DMD: variants seen among roughly 807,000 people sequenced by gnomAD.
DMD encodes the protein mutant dystrophin.
A neutral mutation model predicts 330.1 loss-of-function variants in DMD; 63 were observed. That is an observed-to-expected ratio of 0.19 (90% CI 0.16 to 0.24). The LOEUF (loss-of-function observed/expected upper bound fraction) is 0.24, where lower values mean the gene tolerates loss of function less well. Ranked by LOEUF, DMD falls within the 10% of genes least tolerant of loss-of-function variation. The probability of loss-of-function intolerance (pLI) is 1.00; values close to 1 mark genes in which losing one functional copy is unlikely to be tolerated. For missense variants in DMD, 3,344 were observed against 2,684.1 expected, an observed-to-expected ratio of 1.25 and a Z score of -5.43; for synonymous variants, 1,223 against 959.8, an observed-to-expected ratio of 1.27 and a Z score of -5.07.
At chrX:32,258,458 A>G (rs2097308304) in intron 43 of DMD, among the ~76,000 whole-genome samples, 1 of 111,650 alleles carries the variant, frequency 9.0e-6, no homozygotes, top group Non-Finnish European at 1.9e-5. Flanking sequence ...ATTGGCACAT[A>G]TACACCATGG....
At chrX:32,187,529 G>A (rs978805425) in intron 44 of DMD, among the ~76,000 whole-genome samples, 14 of 111,591 alleles carry the variant, frequency 1.3e-4, no homozygotes, top group Non-Finnish European at 2.3e-4. Flanking sequence ...ACATATGTAT[G>A]TCAAAATTAT....
At chrX:31,246,267 G>A (rs911638435) in intron 63 of DMD, among the ~76,000 whole-genome samples, 1 of 111,971 alleles carries the variant, frequency 8.9e-6, no homozygotes, top group African/African-American at 3.2e-5. Flanking sequence ...GGAAGCTGCA[G>A]AAGAAAAGTT....
intron 30 of DMD, among the ~76,000 whole-genome samples, chrX:32,394,082 T>A (rs2098023066): frequency 9.1e-6 from 1 of 109,298 alleles, no homozygotes; most frequent in Non-Finnish European, 1.9e-5. Context: ...GAACATACTT[T>A]AAGGCTACAT....
At chrX:31,388,826 C>G (rs1319540432) in intron 60 of DMD, among the ~76,000 whole-genome samples, 1 of 111,803 alleles carries the variant, frequency 8.9e-6, no homozygotes, top group Non-Finnish European at 1.9e-5. Flanking sequence ...TGCTTGAACC[C>G]GTGAGGTGGA....
intron 44 of DMD, among the ~76,000 whole-genome samples, chrX:31,976,317 A>G (rs2095435645): frequency 9.0e-6 from 1 of 111,128 alleles, no homozygotes; most frequent in African/African-American, 3.3e-5. Context: ...AAATATTAGG[A>G]CTGAAAATAT....
At chrX:32,021,594 T>C (rs1192904507) in intron 44 of DMD, among the ~76,000 whole-genome samples, 1 of 112,226 alleles carries the variant, frequency 8.9e-6, no homozygotes, top group Admixed American at 9.4e-5. Context: ...CCTGTGGCTA[T>C]TGAACAATTC....
chrX:31,868,556 G>A (rs761309232), intron 48 of DMD, among the ~76,000 whole-genome samples: 44 of 111,858 alleles, frequency 3.9e-4, no homozygotes, highest in Non-Finnish European at 7.2e-4. Context: ...TAAGTGCATA[G>A]AGTCAGATGT....
chrX:31,944,663 CTT>C (rs1176678451), intron 45 of DMD, among the ~76,000 whole-genome samples: 2 of 81,528 alleles, frequency 2.5e-5, no homozygotes, highest in Non-Finnish European at 4.7e-5. Context: ...TTTTGTTCTG[CTT>C]TTTTTTTTTT....
intron 63 of DMD, among the ~76,000 whole-genome samples, chrX:31,252,761 C>T (rs2049512561): frequency 8.9e-6 from 1 of 112,239 alleles, no homozygotes; most frequent in Admixed American, 9.4e-5. Context: ...CGCCTGTAAT[C>T]TCAGCACTCT....
intron 1 of DMD, among the ~76,000 whole-genome samples, chrX:33,304,075 T>C (rs1353173485): frequency 1.8e-5 from 2 of 111,112 alleles, no homozygotes; most frequent in Non-Finnish European, 3.8e-5. Flanking sequence ...ATTTAATATA[T>C]GATGTAAAAT....
intron 2 of DMD, among the ~76,000 whole-genome samples, chrX:32,925,150 T>TTG (rs2088862055): frequency 1.2e-5 from 1 of 85,166 alleles, no homozygotes; most frequent in African/African-American, 5.4e-5. Flanking sequence ...TCTGGGTTTT[T>TTG]TTTTTTTTTT....
intron 51 of DMD, among the ~76,000 whole-genome samples, chrX:31,745,294 G>A (rs2087732358): frequency 9.0e-6 from 1 of 111,334 alleles, no homozygotes; most frequent in African/African-American, 3.3e-5. Flanking sequence ...TACGATGGCT[G>A]TGATCAAGTT....
intron 60 of DMD, among the ~76,000 whole-genome samples, chrX:31,370,293 C>T (rs778749018): frequency 9.0e-6 from 1 of 111,242 alleles, no homozygotes; most frequent in South Asian, 3.8e-4. Flanking sequence ...AAACCCTATA[C>T]ACAAGAAAGG....
intron 1 of DMD, among the ~76,000 whole-genome samples, chrX:33,105,251 A>G: frequency 9.0e-6 from 1 of 111,651 alleles, no homozygotes; most frequent in Non-Finnish European, 1.9e-5. Context: ...CTGGATCCCT[A>G]TCTCCTACCA....
rs985546923 is a variant in DMD, at chrX:32,342,281, T to C, written c.5741A>G (p.Glu1914Gly). ...CTTCTTCTGCAATTCCCGATCAATT[T>C]CCTATTGAGCAAAACCAATACAGGG... ...PEPRDERKIK[E>G]IDRELQKKKE... Residue 1914 changes from glutamate (E) to glycine (G), a missense_variant and splice_region_variant, in exon 41 of 79, where the codon GAA becomes GGA. Glu to Gly is a moderately conservative substitution (Grantham distance 98). Transcript: ENST00000357033. The C allele has an allele frequency of 4.1e-6, 5 of 1,209,321 alleles. No homozygotes were observed. The highest frequency in any genetic ancestry group is 5.6e-6 in the Non-Finnish European group (5 of 895,138).
intron 7 of DMD, among the ~76,000 whole-genome samples, chrX:32,774,674 C>T (rs886949297): frequency 7.2e-5 from 8 of 110,745 alleles, no homozygotes; most frequent in Non-Finnish European, 1.5e-4. Context: ...CACCCATCCC[C>T]CATCCCCCAA....
At chrX:32,339,872 A>G (rs1039497958) in intron 41 of DMD, among the ~76,000 whole-genome samples, 1 of 111,920 alleles carries the variant, frequency 8.9e-6, no homozygotes, top group Admixed American at 9.5e-5. Flanking sequence ...TCAAACAATT[A>G]GAGAAGGAGA....
intron 51 of DMD, among the ~76,000 whole-genome samples, chrX:31,749,239 C>T: frequency 9.4e-6 from 1 of 106,295 alleles, no homozygotes; most frequent in Non-Finnish European, 1.9e-5. Context: ...GCACGCTGCA[C>T]CCACTAACCC....
Position 31,196,513 on chromosome X carries a change from G to A in DMD, c.9807+7448C>T, listed in dbSNP as rs1054591128. Among the ~76,000 whole-genome samples, 6 of 110,717 alleles carry A rather than the reference G, an allele frequency of 5.4e-5. No homozygotes were observed. In the South Asian group the frequency reaches 1.6e-3, roughly 29 times the overall value. On this transcript the variant is annotated intron_variant, in intron 67 of 78. Transcript: ENST00000357033. The stretch of plus-strand genomic sequence containing the variant: ...GGAGGGTTTTTAGGAGTTACTTTCA[G>A]GATGGAAAATCTATTAATAAAATGG...
Sources: allele counts gnomAD v4.1 joint callset (sites outside exome capture counted in the v4.1 genomes callset), GRCh38; gene constraint gnomAD v4.1.1; transcripts MANE v1.5; gene names NCBI Gene and HGNC (gene_info 2026-07-23, HGNC 2026-07-21).